Variants in ZFAND3 observed in about 807,000 individuals in gnomAD.
The protein encoded by ZFAND3 is AN1-type zinc finger protein 3.
A neutral mutation model predicts 29.6 loss-of-function variants in ZFAND3; 10 were observed. The observed-to-expected ratio is 0.34, with a 90% CI of 0.21 to 0.57. ZFAND3 has a LOEUF of 0.57. Ranked by LOEUF, ZFAND3 falls within the 20% of genes least tolerant of loss-of-function variation. The pLI, the probability that ZFAND3 is intolerant of heterozygous loss-of-function variation, is 0.86. For missense variants in ZFAND3, 230 were observed against 304.5 expected, an observed-to-expected ratio of 0.76 and a Z score of 1.82; for synonymous variants, 128 against 112.6, an observed-to-expected ratio of 1.14 and a Z score of -0.87.
intron 5 of ZFAND3, 88 bp from the exon 6 acceptor site, chr6:38,152,147 C>T (rs1213238334): frequency 1.6e-6 from 2 of 1,284,294 alleles, no homozygotes; most frequent in Non-Finnish European, 2.1e-6. Flanking sequence ...GATGCCCCTC[C>T]ATCCTCTGGA....
intron 3 of ZFAND3, chr6:38,062,642 G>A (rs955362593): frequency 2.0e-5 from 3 of 152,140 alleles, no homozygotes; most frequent in African/African-American, 7.2e-5. Flanking sequence ...AAAGTACTGG[G>A]ATTACAGGCA....
intron 1 of ZFAND3, among the ~76,000 whole-genome samples, chr6:37,923,937 A>G (rs958775843): frequency 2.0e-5 from 3 of 152,126 alleles, no homozygotes; most frequent in African/African-American, 4.8e-5. Context: ...CTAAAAAAGT[A>G]TTTCTTATTT....
At chr6:38,064,094 T>C (rs915843578) in intron 3 of ZFAND3, among the ~76,000 whole-genome samples, 2 of 152,178 alleles carry the variant, frequency 1.3e-5, no homozygotes, top group Admixed American at 6.5e-5. Flanking sequence ...ATATACACCA[T>C]CCATTTATAC....
Position 37,822,330 on chromosome 6 carries a change from G to T in ZFAND3, c.71+2314G>T, listed in dbSNP as rs139382851. ...TGACCACAAAACTAGTATTTTTATC[G>T]TGAAAAGTGTTCTTTTTGGTGCAAT... On this transcript the variant is annotated intron_variant, in intron 1 of 5. Transcript: ENST00000287218. Among the ~76,000 whole-genome samples, 17 of 152,248 alleles carry T rather than the reference G, an allele frequency of 1.1e-4. No homozygotes were observed. In the East Asian group the frequency reaches 2.9e-3, roughly 26 times the overall value.
Position 38,116,732 on chromosome 6 carries a change from T to C in ZFAND3, c.522T>C (p.Cys174=), listed in dbSNP as rs1392825319. 15 of 1,613,832 alleles carry C rather than the reference T, an allele frequency of 9.3e-6. No individual in the cohort carries two copies. Among genetic ancestry groups the C allele is most frequent in the Non-Finnish European group, 1.3e-5 (15 of 1,179,764 alleles). ...LELVQQELGS[C]RCGYVFCMLH... Reference sequence around the variant, plus strand: ...TGGTGCAGCAGGAATTGGGATCGTGTCGCTGCGGTAAGCATCTCCCCCAGT... The same window carrying C: ...TGGTGCAGCAGGAATTGGGATCGTGCCGCTGCGGTAAGCATCTCCCCCAGT... The change falls in exon 5 of 6, where the codon TGT becomes TGC. Residue 174 remains cysteine, a synonymous_variant. Coordinates refer to ENST00000287218, the MANE Select transcript of ZFAND3 (RefSeq NM_021943.3).
chr6:38,087,689 A>G (rs1764785521), intron 4 of ZFAND3, among the ~76,000 whole-genome samples: 1 of 152,232 alleles, frequency 6.6e-6, no homozygotes, highest in Non-Finnish European at 1.5e-5. Context: ...ACAGGCAATA[A>G]CAAGTATTGA....
At chr6:37,891,979 T>C in intron 1 of ZFAND3, among the ~76,000 whole-genome samples, 1 of 152,148 alleles carries the variant, frequency 6.6e-6, no homozygotes, top group East Asian at 1.9e-4. Flanking sequence ...TCCACTCGCC[T>C]CGCCCTCCCA....
rs566716078 is a variant in ZFAND3, at chr6:38,120,623, G to C, written c.529+3884G>C. On this transcript the variant is annotated intron_variant, in intron 5 of 5. Coordinates refer to ENST00000287218, the MANE Select transcript of ZFAND3 (RefSeq NM_021943.3). ...TTACAGGCATGATCCACCACGCCCGGCCTTCTTGGCTTCTTAATCACTGTG... is the reference window on the plus strand; with the variant it reads ...TTACAGGCATGATCCACCACGCCCGCCCTTCTTGGCTTCTTAATCACTGTG... 9.2e-5 allele frequency among the ~76,000 whole-genome samples: 14 copies of C among 152,200 alleles called. No homozygotes were observed. The South Asian group carries it at 2.9e-3, about 32-fold the overall frequency.
intron 2 of ZFAND3, among the ~76,000 whole-genome samples, chr6:37,996,229 TAATG>T (rs1481913598): frequency 6.6e-6 from 1 of 152,096 alleles, no homozygotes; most frequent in Non-Finnish European, 1.5e-5. Flanking sequence ...ACCAGACAAA[TAATG>T]AACACAAAAT....
intron 1 of ZFAND3, among the ~76,000 whole-genome samples, chr6:37,926,945 AC>A (rs1360460484): frequency 1.3e-5 from 2 of 152,234 alleles, no homozygotes; most frequent in East Asian, 3.9e-4. Context: ...AGTGTTCTTG[AC>A]CCATGTGATC....
intron 2 of ZFAND3, among the ~76,000 whole-genome samples, chr6:38,039,106 G>A (rs1763712589): frequency 6.6e-6 from 1 of 152,170 alleles, no homozygotes; most frequent in African/African-American, 2.4e-5. Context: ...GCCTAAAGGA[G>A]TTTGCCAGTT....
At chr6:37,952,496 G>C (rs1762015547) in intron 2 of ZFAND3, among the ~76,000 whole-genome samples, 1 of 152,080 alleles carries the variant, frequency 6.6e-6, no homozygotes, top group Non-Finnish European at 1.5e-5. Context: ...GTGCATAGAA[G>C]TGTTCATAAT....
chr6:37,903,044 T>C (rs1385715186), intron 1 of ZFAND3, among the ~76,000 whole-genome samples: 1 of 152,210 alleles, frequency 6.6e-6, no homozygotes, highest in African/African-American at 2.4e-5. Context: ...GATGGATCCT[T>C]ACACTTCTCT....
At chr6:38,137,924 G>C (rs763378732) in intron 5 of ZFAND3, among the ~76,000 whole-genome samples, 6 of 152,164 alleles carry the variant, frequency 3.9e-5, no homozygotes, top group Non-Finnish European at 8.8e-5. Context: ...TCGGGGGCTT[G>C]CATGTCTTTG....
At chr6:37,925,238 C>G (rs1421582426) in intron 1 of ZFAND3, among the ~76,000 whole-genome samples, 3 of 151,894 alleles carry the variant, frequency 2.0e-5, no homozygotes, top group African/African-American at 7.3e-5. Flanking sequence ...AGAATGGGAA[C>G]GAGAAGACCA....
chr6:37,916,443 A>C (rs978765367), intron 1 of ZFAND3, among the ~76,000 whole-genome samples: 1 of 152,012 alleles, frequency 6.6e-6, no homozygotes, highest in African/African-American at 2.4e-5. Context: ...GCAGATCACG[A>C]GGTCAGGAGA....
chr6:37,938,685 G>A (rs976576763), intron 2 of ZFAND3, among the ~76,000 whole-genome samples: 3 of 152,162 alleles, frequency 2.0e-5, no homozygotes, highest in Non-Finnish European at 2.9e-5. Flanking sequence ...GCAGTTTGAT[G>A]TCTTACTAAT....
At chr6:38,009,672 C>T (rs1157703001) in intron 2 of ZFAND3, among the ~76,000 whole-genome samples, 1 of 152,080 alleles carries the variant, frequency 6.6e-6, no homozygotes, top group Non-Finnish European at 1.5e-5. Context: ...CAGGAAGTTC[C>T]TGGGCCAGAT....
chr6:38,085,982 T>G (rs758428698), intron 4 of ZFAND3, among the ~76,000 whole-genome samples: 9 of 152,214 alleles, frequency 5.9e-5, no homozygotes, highest in Non-Finnish European at 1.2e-4. Context: ...TTCAAGCAAT[T>G]ACTGTTTTGA....
Sources: gnomAD v4.1 joint callset for allele counts (sites outside exome capture counted in the v4.1 genomes callset) on GRCh38, gnomAD v4.1.1 for gene constraint, MANE v1.5 for transcripts, NCBI Gene and HGNC (gene_info 2026-07-23, HGNC 2026-07-21) for gene names.